The following EPB41L3 variants were observed in gnomAD, a reference collection of about 807,000 sequenced individuals.
EPB41L3 encodes band 4.1-like protein 3.
A neutral mutation model predicts 127.1 loss-of-function variants in EPB41L3; 57 were observed. The observed-to-expected ratio is 0.45, with a 90% CI of 0.36 to 0.56. The LOEUF (loss-of-function observed/expected upper bound fraction) is 0.56. Ranked by LOEUF, EPB41L3 falls within the 20% of genes least tolerant of loss-of-function variation. EPB41L3 has a pLI of 0.00. For synonymous variants in EPB41L3, 572 were observed against 549.5 expected (o/e 1.04, Z -0.57); for missense variants, 1,273 against 1,372.2 (o/e 0.93, Z 1.14).
chr18:5,466,213 C>T (rs1006843464), intron 3 of EPB41L3: 1 of 152,172 alleles, frequency 6.6e-6, no homozygotes, highest in Non-Finnish European at 1.5e-5. Flanking sequence ...TATTTCACTG[C>T]ATTTTAATAT....
At chr18:5,417,165 A>G (rs965867941) in intron 12 of EPB41L3, among the ~76,000 whole-genome samples, 3 of 152,228 alleles carry the variant, frequency 2.0e-5, no homozygotes, top group African/African-American at 7.2e-5. Flanking sequence ...TTTACTTTCT[A>G]TTATTTATGA....
At chr18:5,508,564 G>A (rs1367584057) in intron 1 of EPB41L3, among the ~76,000 whole-genome samples, 3 of 151,912 alleles carry the variant, frequency 2.0e-5, no homozygotes, top group East Asian at 3.9e-4. Flanking sequence ...TCAGGAGATC[G>A]AGACCATCCT....
chr18:5,561,009 GCT>G (rs1290643743), intron 3 of EPB41L3, among the ~76,000 whole-genome samples: 7 of 128,646 alleles, frequency 5.4e-5, no homozygotes, highest in African/African-American at 1.6e-4. Flanking sequence ...ATGGAGTCTC[GCT>G]CTGTCGCCCA....
intron 1 of EPB41L3, among the ~76,000 whole-genome samples, chr18:5,615,527 A>G (rs963085613): frequency 6.6e-5 from 10 of 152,224 alleles, no homozygotes; most frequent in Non-Finnish European, 2.9e-5. Context: ...GAAGGTGACT[A>G]TACAAAAATA....
At chr18:5,473,893 T>C in intron 3 of EPB41L3, among the ~76,000 whole-genome samples, 1 of 152,138 alleles carries the variant, frequency 6.6e-6, no homozygotes, top group South Asian at 2.1e-4. Context: ...AGATCTTTTC[T>C]TATATTTTAA....
intron 3 of EPB41L3, among the ~76,000 whole-genome samples, chr18:5,598,364 T>C (rs1371888862): frequency 6.6e-6 from 1 of 152,200 alleles, no homozygotes; most frequent in Admixed American, 6.5e-5. Flanking sequence ...AACAATGCCA[T>C]TCTACTCATT....
At chr18:5,448,186 T>C (rs1043759682) in intron 3 of EPB41L3, among the ~76,000 whole-genome samples, 1 of 152,150 alleles carries the variant, frequency 6.6e-6, no homozygotes, top group Admixed American at 6.5e-5. Flanking sequence ...AAACCACTAA[T>C]GGATTGAGGC....
At chr18:5,628,396 G>A (rs905299592) in intron 1 of EPB41L3, among the ~76,000 whole-genome samples, 1 of 152,208 alleles carries the variant, frequency 6.6e-6, no homozygotes, top group Admixed American at 6.5e-5. Context: ...GGGGGCGGGG[G>A]TCTGTAACTA....
intron 3 of EPB41L3, among the ~76,000 whole-genome samples, chr18:5,567,842 ATGTCTAAG>A (rs1427021450): frequency 3.3e-5 from 5 of 152,202 alleles, no homozygotes; most frequent in African/African-American, 1.2e-4. Flanking sequence ...TGTGTCATTT[ATGTCTAAG>A]TGTGTACTTC....
intron 1 of EPB41L3, among the ~76,000 whole-genome samples, chr18:5,503,383 GA>G (rs1009107386): frequency 1.3e-5 from 2 of 152,074 alleles, no homozygotes; most frequent in African/African-American, 2.4e-5. Flanking sequence ...CGGAGTGCCC[GA>G]AAAAAACATG....
Position 5,564,332 on chromosome 18 carries a change from A to G in EPB41L3, c.-306+48008T>C, listed in dbSNP as rs538336508. Among the ~76,000 whole-genome samples the G allele has an allele frequency of 2.3e-4, 35 of 152,306 alleles. 1 individual carries two copies. The highest frequency in any genetic ancestry group is 8.2e-4 in the African/African-American group (34 of 41,554). ...GGTATTATTTCATTTAATTCCCTCA[A>G]TAACTCTATTATCTCTGCCATGTTA... On this transcript the variant is annotated intron_variant, in intron 3 of 21. Coordinates refer to the EPB41L3 transcript ENST00000545076.
At chr18:5,426,218 T>G (rs2078157362) in intron 9 of EPB41L3, among the ~76,000 whole-genome samples, 1 of 152,230 alleles carries the variant, frequency 6.6e-6, no homozygotes, top group South Asian at 2.1e-4. Flanking sequence ...TTGATAACTC[T>G]GTTCAACTCC....
intron 1 of EPB41L3, among the ~76,000 whole-genome samples, chr18:5,491,429 T>C (rs1212683345): frequency 6.6e-6 from 1 of 152,246 alleles, no homozygotes; most frequent in Non-Finnish European, 1.5e-5. Flanking sequence ...ATCAGCCTAG[T>C]CGGGAAACCG....
At chr18:5,500,617 C>A (rs1685640132) in intron 1 of EPB41L3, among the ~76,000 whole-genome samples, 1 of 152,178 alleles carries the variant, frequency 6.6e-6, no homozygotes, top group Non-Finnish European at 1.5e-5. Flanking sequence ...GTGCCAGTAC[C>A]ACGGGGTGAA....
At position 5,437,426 on chromosome 18, in the gene EPB41L3, A is replaced by G. The variant is rs748112502; in HGVS notation, c.605+609T>C. The stretch of plus-strand genomic sequence containing the variant: ...AGAAATAAGTTTCTATTGTTTATCA[A>G]TCAACCACCCACTTTATAGTATTTT... On this transcript the variant is annotated intron_variant, in intron 6 of 22. Coordinates refer to ENST00000341928, the MANE Select transcript of EPB41L3 (RefSeq NM_012307.5). 2.0e-4 allele frequency among the ~76,000 whole-genome samples: 30 copies of G among 152,188 alleles called. No individual in the cohort carries two copies. In the East Asian group the frequency reaches 2.9e-3, roughly 15 times the overall value.
intron 1 of EPB41L3, among the ~76,000 whole-genome samples, chr18:5,524,398 T>C (rs2093139301): frequency 6.6e-6 from 1 of 152,170 alleles, no homozygotes; most frequent in Non-Finnish European, 1.5e-5. Context: ...TTTCACCATG[T>C]TGGCCAGGCT....
chr18:5,520,545 A>G (rs1044530162), intron 1 of EPB41L3, among the ~76,000 whole-genome samples: 2 of 142,720 alleles, frequency 1.4e-5, no homozygotes, highest in East Asian at 2.0e-4. Context: ...CGCCTCCCCT[A>G]CTTTCCCAAA....
At chr18:5,498,731 T>C (rs945349117) in intron 1 of EPB41L3, among the ~76,000 whole-genome samples, 1 of 151,952 alleles carries the variant, frequency 6.6e-6, no homozygotes, top group Non-Finnish European at 1.5e-5. Context: ...GCATCAATGA[T>C]ATACATAAGA....
At chr18:5,466,211 T>G (rs977758695) in intron 3 of EPB41L3, 7 of 152,212 alleles carry the variant, frequency 4.6e-5, no homozygotes, top group Non-Finnish European at 8.8e-5. Context: ...GGTATTTCAC[T>G]GCATTTTAAT....
Sources: allele counts gnomAD v4.1 joint callset (sites outside exome capture counted in the v4.1 genomes callset), GRCh38; gene constraint gnomAD v4.1.1; transcripts MANE v1.5; gene names NCBI Gene and HGNC (gene_info 2026-07-23, HGNC 2026-07-21).